GLIS3: variants seen among roughly 807,000 people sequenced by gnomAD.
GLIS3 encodes zinc finger protein GLIS3.
A neutral mutation model predicts 78.6 loss-of-function variants in GLIS3; 53 were observed. That is an observed-to-expected ratio of 0.67 (90% CI 0.54 to 0.85). The LOEUF (loss-of-function observed/expected upper bound fraction) is 0.85. Among genes scored for constraint, GLIS3 ranks in the 40% least tolerant of loss-of-function variants. The pLI is 0.00. For synonymous variants in GLIS3, 684 were observed against 509.9 expected (o/e 1.34, Z -4.60); for missense variants, 1,703 against 1,231.1 (o/e 1.38, Z -5.74).
chr9:4,254,698 G>C (rs1319654740), intron 2 of GLIS3, among the ~76,000 whole-genome samples: 2 of 151,720 alleles, frequency 1.3e-5, no homozygotes, highest in African/African-American at 4.8e-5. Flanking sequence ...AAATTAGCCG[G>C]GCATGGTGGC....
At chr9:4,426,869 G>T in the GLIS3 span, among the ~76,000 whole-genome samples, 1 of 152,208 alleles carries the variant, frequency 6.6e-6, no homozygotes, top group Non-Finnish European at 1.5e-5. Flanking sequence ...TCTTAGCACA[G>T]TCCCTGGCAC....
intron 4 of GLIS3, among the ~76,000 whole-genome samples, chr9:3,985,963 T>G (rs1819711292): frequency 6.6e-6 from 1 of 152,174 alleles, no homozygotes. Flanking sequence ...AAAAATTCAT[T>G]TGTGGAGAAA....
chr9:4,294,725 A>G (rs888557896), intron 1 of GLIS3, among the ~76,000 whole-genome samples: 3 of 152,150 alleles, frequency 2.0e-5, no homozygotes, highest in Admixed American at 2.0e-4. Context: ...TAGCTAATTT[A>G]TCTTTGAACT....
At chr9:4,400,476 C>T in the GLIS3 span, among the ~76,000 whole-genome samples, 1 of 152,186 alleles carries the variant, frequency 6.6e-6, no homozygotes, top group African/African-American at 2.4e-5. Flanking sequence ...CCAGCTATAA[C>T]CTACAAGCCA....
chr9:4,073,860 T>C (rs1008631700), intron 4 of GLIS3, among the ~76,000 whole-genome samples: 6 of 152,172 alleles, frequency 3.9e-5, no homozygotes, highest in East Asian at 1.9e-4. Context: ...ACCTGGCACA[T>C]AGGAGGTGCT....
At chr9:4,166,032 G>T (rs1486758095) in intron 2 of GLIS3, among the ~76,000 whole-genome samples, 1 of 152,182 alleles carries the variant, frequency 6.6e-6, no homozygotes, top group Non-Finnish European at 1.5e-5. Flanking sequence ...GAGACCAGGT[G>T]CCTTCAAAGC....
intron 2 of GLIS3, among the ~76,000 whole-genome samples, chr9:4,327,398 T>G (rs1391989869): frequency 6.6e-6 from 1 of 151,780 alleles, no homozygotes; most frequent in Non-Finnish European, 1.5e-5. Context: ...TGGAAAGAGG[T>G]GTCAAGAGAA....
the GLIS3 span, among the ~76,000 whole-genome samples, chr9:4,420,214 A>G: frequency 1.3e-5 from 2 of 152,218 alleles, no homozygotes; most frequent in African/African-American, 2.4e-5. Context: ...AGGGGGCCAC[A>G]TGGAGAGGAA....
At chr9:4,441,018 A>ACTAAATTCATTTATTAGTT in the GLIS3 span, among the ~76,000 whole-genome samples, 1 of 152,030 alleles carries the variant, frequency 6.6e-6, no homozygotes, top group Non-Finnish European at 1.5e-5. Context: ...CTGCAACTTT[A>ACTAAATTCATTTATTAGTT]CTAAATTCAT....
chr9:4,354,847 T>C, the GLIS3 span, among the ~76,000 whole-genome samples: 546 of 152,192 alleles, frequency 3.6e-3, 2 homozygotes, highest in African/African-American at 0.013. Flanking sequence ...CCGGACATGG[T>C]GGCTCATGCC....
At chr9:4,275,525 C>T (rs912141000) in intron 2 of GLIS3, among the ~76,000 whole-genome samples, 2 of 151,414 alleles carry the variant, frequency 1.3e-5, no homozygotes, top group East Asian at 1.9e-4. Context: ...TTTGGGAGGC[C>T]GAGGTGGAAG....
chr9:4,036,964 C>A (rs1824366235), intron 4 of GLIS3, among the ~76,000 whole-genome samples: 1 of 152,148 alleles, frequency 6.6e-6, no homozygotes, highest in African/African-American at 2.4e-5. Flanking sequence ...GTTACTACCC[C>A]ACTGCAGCTA....
chr9:4,055,972 C>G (rs573126695), intron 4 of GLIS3, among the ~76,000 whole-genome samples: 17 of 152,302 alleles, frequency 1.1e-4, no homozygotes, highest in African/African-American at 4.1e-4. Context: ...AACTCTCTTC[C>G]TCCTTTGCCA....
intron 4 of GLIS3, among the ~76,000 whole-genome samples, chr9:3,967,458 G>A (rs909789600): frequency 1.1e-4 from 16 of 152,092 alleles, no homozygotes; most frequent in Non-Finnish European, 1.6e-4. Context: ...AGCCAAGATC[G>A]GGCCATTGCA....
At chr9:4,387,172 A>C in the GLIS3 span, among the ~76,000 whole-genome samples, 1 of 152,220 alleles carries the variant, frequency 6.6e-6, no homozygotes, top group African/African-American at 2.4e-5. Flanking sequence ...CAGGAAAAAA[A>C]CAAAACCTGG....
At chr9:3,902,885 A>G (rs534446700) in intron 6 of GLIS3, among the ~76,000 whole-genome samples, 15 of 152,246 alleles carry the variant, frequency 9.9e-5, no homozygotes, top group Non-Finnish European at 1.8e-4. Flanking sequence ...TGTGACGAAT[A>G]AAGATCTTTC....
At chr9:4,440,077 T>C in the GLIS3 span, among the ~76,000 whole-genome samples, 8 of 152,238 alleles carry the variant, frequency 5.3e-5, no homozygotes, top group Admixed American at 5.2e-4. Context: ...GTTCCTTTTA[T>C]ATTTTGGATA....
chr9:3,826,862 T>A lies in GLIS3; in HGVS notation c.*1410A>T, dbSNP rs760508729. On this transcript the variant is annotated 3_prime_UTR_variant, in exon 11 of 11. Transcript: ENST00000381971. ...TACTTGAAATATGATAGTACCAGAATGTTAGAACTTACTGTGTCTTTGGGA... is the reference window on the plus strand; with the variant it reads ...TACTTGAAATATGATAGTACCAGAAAGTTAGAACTTACTGTGTCTTTGGGA... The A allele has an allele frequency of 6.6e-6, 1 of 152,232 alleles. No homozygotes were observed. Among genetic ancestry groups the A allele is most frequent in the Non-Finnish European group, 1.5e-5 (1 of 68,044 alleles). 9.4% of individuals were successfully genotyped at this position (152,232 alleles called of 1,614,324 possible).
At chr9:4,354,887 T>C in the GLIS3 span, among the ~76,000 whole-genome samples, 119 of 151,900 alleles carry the variant, frequency 7.8e-4, no homozygotes, top group East Asian at 2.7e-3. Flanking sequence ...GAGGCCGAGG[T>C]GGGCGGATCA....
Sources: allele counts gnomAD v4.1 joint callset (sites outside exome capture counted in the v4.1 genomes callset), GRCh38; gene constraint gnomAD v4.1.1; transcripts MANE v1.5; gene names NCBI Gene and HGNC (gene_info 2026-07-23, HGNC 2026-07-21).